The following WDR20 variants were observed in gnomAD, a reference collection of about 807,000 sequenced individuals.
The protein encoded by WDR20 is WD repeat-containing protein 20.
Under a neutral mutation model 38.7 loss-of-function variants are expected in WDR20, and 3 were observed. The observed-to-expected ratio is 0.08, with a 90% CI of 0.04 to 0.20. WDR20 has a LOEUF of 0.20. WDR20 is among the 10% of genes least tolerant of loss of function. The pLI is 1.00. For synonymous variants in WDR20, 298 were observed against 285.6 expected, an observed-to-expected ratio of 1.04 and a Z score of -0.44; for missense variants, 559 against 727.7, an observed-to-expected ratio of 0.77 and a Z score of 2.67.
chr14:102,162,651 C>T lies in WDR20; in HGVS notation c.249+22479C>T, dbSNP rs1397963036. On this transcript the variant is annotated intron_variant, in intron 1 of 2. Coordinates refer to ENST00000342702, the MANE Select transcript of WDR20 (RefSeq NM_144574.4). The stretch of plus-strand genomic sequence containing the variant: ...TCTCGCCCTCTCACACTCTCTCGCT[C>T]TGTTGCCCAGGCTGGAGTGCAGTGT... 2.0e-5 allele frequency among the ~76,000 whole-genome samples: 3 copies of T among 152,114 alleles called. No individual in the cohort carries two copies. The South Asian group carries it at 6.2e-4, about 32-fold the overall frequency.
intron 1 of WDR20, among the ~76,000 whole-genome samples, chr14:102,147,871 C>T (rs1215767387): frequency 2.6e-5 from 4 of 152,180 alleles, no homozygotes; most frequent in African/African-American, 7.2e-5. Flanking sequence ...ACTGGGATTA[C>T]AGGCACCTGC....
At chr14:102,143,655 C>T (rs1048580899) in intron 1 of WDR20, among the ~76,000 whole-genome samples, 22 of 151,880 alleles carry the variant, frequency 1.4e-4, no homozygotes, top group African/African-American at 5.3e-4. Flanking sequence ...AGCGATTCTC[C>T]TCCCTCAGCC....
intron 1 of WDR20, among the ~76,000 whole-genome samples, chr14:102,189,649 G>A (rs1429088190): frequency 6.6e-6 from 1 of 152,086 alleles, no homozygotes; most frequent in African/African-American, 2.4e-5. Context: ...AAAACTTACG[G>A]TGAAGAACTT....
intron 1 of WDR20, among the ~76,000 whole-genome samples, chr14:102,173,298 G>A (rs965258959): frequency 2.7e-5 from 4 of 147,866 alleles, no homozygotes; most frequent in Non-Finnish European, 6.1e-5. Flanking sequence ...ATTTTTAGTA[G>A]AGATGAGGTC....
In WDR20 at chr14:102,209,033, T is replaced by C; in HGVS notation, c.863T>C (p.Val288Ala). The change falls in exon 3 of 3, where the codon GTC becomes GCC. Residue 288 changes from valine to alanine, a missense_variant. By Grantham distance (64) the Val-to-Ala change is moderately conservative. Coordinates refer to ENST00000342702, the MANE Select transcript of WDR20 (RefSeq NM_144574.4). The surrounding 1 kb of genome is among the most constrained non-coding windows in gnomAD (Gnocchi z 6.0). ...GGTGGGGAGGACGACTTGGTGACAG[T>C]CTGGTCCTTTGTAGACTGCCGAGTA... is the stretch of plus-strand genomic sequence containing the variant. ...VTGGEDDLVT[V>A]WSFVDCRVIA... The C allele has an allele frequency of 6.2e-7, 1 of 1,614,124 alleles. No individual in the cohort carries two copies. The highest frequency in any genetic ancestry group is 8.5e-7 in the Non-Finnish European group (1 of 1,180,014).
At chr14:102,150,231 G>A (rs1319986458) in intron 1 of WDR20, among the ~76,000 whole-genome samples, 1 of 152,098 alleles carries the variant, frequency 6.6e-6, no homozygotes, top group Non-Finnish European at 1.5e-5. Flanking sequence ...ATCCTAGCAC[G>A]TTGGGAGGCT....
At chr14:102,212,593 C>T, downstream of WDR20, 1 of 1,535,824 alleles carries the variant, frequency 6.5e-7, no homozygotes, top group Non-Finnish European at 8.7e-7. Flanking sequence ...AAGTGCCCAA[C>T]AGCTTGAGAA....
At chr14:102,199,586 C>G (rs2059967464) in intron 2 of WDR20, among the ~76,000 whole-genome samples, 1 of 152,166 alleles carries the variant, frequency 6.6e-6, no homozygotes, top group Non-Finnish European at 1.5e-5. Flanking sequence ...CACCAGAACA[C>G]CTCTCAGACC....
In WDR20 at chr14:102,209,381, T is replaced by C. The variant is rs781459841; in HGVS notation, c.1211T>C (p.Met404Thr). ...LSRARTHTNV[M>T]NATSPPAGSN... ...AGAGCAAGGACACACACAAATGTCA[T>C]GAATGCCACGAGTCCTCCTGCTGGA... The change falls in exon 3 of 3, where the codon ATG (methionine) becomes ACG (threonine). Residue 404 changes from methionine (M) to threonine (T), a missense_variant. Coordinates refer to ENST00000342702, the MANE Select transcript of WDR20 (RefSeq NM_144574.4). This position sits in a 1 kb window ranked among gnomAD's most constrained non-coding sequence, Gnocchi z 6.0. 1 of 1,614,152 alleles carries C rather than the reference T, an allele frequency of 6.2e-7. No homozygotes were observed. The highest frequency in any genetic ancestry group is 8.5e-7 in the Non-Finnish European group (1 of 1,180,036).
Position 102,208,974 on chromosome 14 carries a change from G to A in WDR20, c.804G>A (p.Val268=), listed in dbSNP as rs1275265450. ...MKSYFGGLLC[V]CWSPDGKYIV... ...GCTACTTTGGGGGCTTGCTGTGTGTGTGCTGGAGCCCGGATGGCAAGTACA... is the reference window on the plus strand; with the variant it reads ...GCTACTTTGGGGGCTTGCTGTGTGTATGCTGGAGCCCGGATGGCAAGTACA... The change falls in exon 3 of 3, where the codon GTG becomes GTA. Residue 268 remains valine (V), a synonymous_variant. Coordinates refer to ENST00000342702, the MANE Select transcript of WDR20 (RefSeq NM_144574.4). This position sits in a 1 kb window ranked among gnomAD's most constrained non-coding sequence, Gnocchi z 5.6. The A allele has an allele frequency of 1.9e-6, 3 of 1,614,094 alleles. No individual in the cohort carries two copies. Among genetic ancestry groups the A allele is most frequent in the Admixed American group, 1.7e-5 (1 of 60,016 alleles).
intron 2 of WDR20, among the ~76,000 whole-genome samples, chr14:102,204,961 T>TG (rs981425616): frequency 6.6e-6 from 1 of 152,184 alleles, no homozygotes; most frequent in Admixed American, 6.5e-5. Flanking sequence ...CAAATACACT[T>TG]GGAGGCTGGG....
intron 1 of WDR20, among the ~76,000 whole-genome samples, chr14:102,188,547 A>G (rs2065453339): frequency 6.6e-6 from 1 of 151,896 alleles, no homozygotes; most frequent in African/African-American, 2.4e-5. Context: ...GACCCAGCTG[A>G]CTCTGAATTT....
At chr14:102,176,212 G>GTGAA (rs1447036807) in intron 1 of WDR20, among the ~76,000 whole-genome samples, 3 of 151,922 alleles carry the variant, frequency 2.0e-5, no homozygotes, top group Non-Finnish European at 4.4e-5. Context: ...GGCTGACATG[G>GTGAA]TGAAGCCCCA....
chr14:102,172,403 G>A (rs1257264414), intron 1 of WDR20, among the ~76,000 whole-genome samples: 9 of 149,590 alleles, frequency 6.0e-5, no homozygotes, highest in East Asian at 2.0e-4. Context: ...ATCATGGCCC[G>A]TTCTCAATGA....
chr14:102,167,715 C>T (rs1213126079), intron 1 of WDR20: 1 of 152,166 alleles, frequency 6.6e-6, no homozygotes, highest in Non-Finnish European at 1.5e-5. Flanking sequence ...TAATGCATGC[C>T]ACGGTAGTAA....
intron 1 of WDR20, among the ~76,000 whole-genome samples, chr14:102,160,685 A>G (rs1052522430): frequency 6.6e-6 from 1 of 151,924 alleles, no homozygotes; most frequent in Non-Finnish European, 1.5e-5. Flanking sequence ...GCTCACGCCC[A>G]TAATCCCAGC....
At chr14:102,205,605 G>A (rs1438320463) in intron 2 of WDR20, among the ~76,000 whole-genome samples, 1 of 152,118 alleles carries the variant, frequency 6.6e-6, no homozygotes, top group African/African-American at 2.4e-5. Flanking sequence ...CACTCTGATT[G>A]GAAGTGAGGG....
rs1204103240 is a variant in WDR20 at position 102,221,063 on chromosome 14, C to T, written c.1693-1767C>T. ...TGTCACTTGTTTTTAAGTTGTTAAA[C>T]GTGCTCCCGGGAAGCTAAACTTAAC... On this transcript the variant is annotated intron_variant, in intron 3 of 3. Transcript: ENST00000335263. This position sits in a 1 kb window ranked among gnomAD's most constrained non-coding sequence, Gnocchi z 4.8. 2.6e-5 allele frequency among the ~76,000 whole-genome samples: 4 copies of T among 152,250 alleles called. No individual in the cohort carries two copies. The highest frequency in any genetic ancestry group is 4.1e-4 in the South Asian group (2 of 4,832).
intron 1 of WDR20, among the ~76,000 whole-genome samples, chr14:102,185,059 A>C (rs2064293216): frequency 6.6e-6 from 1 of 152,188 alleles, no homozygotes; most frequent in African/African-American, 2.4e-5. Flanking sequence ...ATTATACTGG[A>C]AGGAAAACCT....
Sources: allele counts gnomAD v4.1 joint callset (sites outside exome capture counted in the v4.1 genomes callset), GRCh38; gene constraint gnomAD v4.1.1; non-coding constraint Gnocchi (gnomAD v3.1); transcripts MANE v1.5; gene names NCBI Gene and HGNC (gene_info 2026-07-23, HGNC 2026-07-21).